The following SH3BGR variants were observed in gnomAD, a reference collection of about 807,000 sequenced individuals.
SH3BGR encodes the protein SH3 domain binding glutamate rich protein.
A neutral mutation model predicts 24.5 loss-of-function variants in SH3BGR; 29 were observed. That is an observed-to-expected ratio of 1.18 (90% CI 0.88 to 1.61). SH3BGR has a LOEUF of 1.61. Ranked by LOEUF, SH3BGR falls within the 40% of genes most tolerant of loss-of-function variation. SH3BGR has a pLI of 0.00. For synonymous variants in SH3BGR, 55 were observed against 65.7 expected (o/e 0.84, Z 0.79); for missense variants, 162 against 205.8 (o/e 0.79, Z 1.30).
chr21:39,499,014 G>A (rs1435101681), intron 3 of SH3BGR, among the ~76,000 whole-genome samples: 2 of 152,162 alleles, frequency 1.3e-5, no homozygotes, highest in African/African-American at 2.4e-5. Context: ...CAAGGCAGCA[G>A]GAAGGAGAAG....
At chr21:39,502,752 T>A (rs905410720) in intron 4 of SH3BGR, among the ~76,000 whole-genome samples, 19 of 152,318 alleles carry the variant, frequency 1.2e-4, no homozygotes, top group African/African-American at 4.6e-4. Flanking sequence ...CTGCTGTCTG[T>A]CCCTTGGCAT....
At chr21:39,509,105 A>T (rs1261344344) in intron 5 of SH3BGR, 78 bp downstream of exon 5, 1 of 1,184,882 alleles carries the variant, frequency 8.4e-7, no homozygotes, top group Non-Finnish European at 1.2e-6. Flanking sequence ...TTGCAGCTTG[A>T]GGCACGTTCT....
At chr21:39,476,323 G>C (rs2078027580) in intron 3 of SH3BGR, among the ~76,000 whole-genome samples, 1 of 152,174 alleles carries the variant, frequency 6.6e-6, no homozygotes, top group Admixed American at 6.5e-5. Context: ...GGCCATAAAA[G>C]TGACCACTGG....
At chr21:39,496,365 T>C (rs978082906) in intron 3 of SH3BGR, among the ~76,000 whole-genome samples, 2 of 151,882 alleles carry the variant, frequency 1.3e-5, no homozygotes, top group Non-Finnish European at 2.9e-5. Flanking sequence ...CCGGGTGCGG[T>C]GGCGGGCACC....
At chr21:39,447,319 A>G (rs182260881), upstream of SH3BGR, among the ~76,000 whole-genome samples, 1 of 152,040 alleles carries the variant, frequency 6.6e-6, no homozygotes, top group East Asian at 1.9e-4. Flanking sequence ...GTTTCCTGAG[A>G]ATGGTTTCCT....
At chr21:39,514,979 A>G in intron 6 of SH3BGR, 109 bp from the exon 7 acceptor site, 1 of 347,112 alleles carries the variant, frequency 2.9e-6, no homozygotes. Flanking sequence ...AGTGGTTTAT[A>G]GAATAAAAGG....
intron 4 of SH3BGR, 77 bp from the exon 5 acceptor site, chr21:39,508,921 T>C: frequency 9.1e-7 from 1 of 1,098,750 alleles, no homozygotes; most frequent in Non-Finnish European, 1.4e-6. Flanking sequence ...TTTATTATAG[T>C]TTGCTTGATT....
intron 1 of SH3BGR, among the ~76,000 whole-genome samples, chr21:39,457,005 T>C (rs2148450856): frequency 6.7e-6 from 1 of 149,746 alleles, no homozygotes; most frequent in African/African-American, 2.4e-5. Flanking sequence ...TACTTATTTA[T>C]ATAAAATTTT....
intron 4 of SH3BGR, among the ~76,000 whole-genome samples, chr21:39,502,950 C>CA (rs1432905951): frequency 6.6e-6 from 1 of 151,808 alleles, no homozygotes; most frequent in African/African-American, 2.4e-5. Flanking sequence ...CTTTCCTCCC[C>CA]AGTCTGGCCA....
chr21:39,449,590 G>T (rs780564517), upstream of SH3BGR, among the ~76,000 whole-genome samples: 6 of 152,290 alleles, frequency 3.9e-5, no homozygotes, highest in South Asian at 1.0e-3. Context: ...CTTTCAGCTG[G>T]AGTTTTCAGA....
chr21:39,470,680 A>G (rs566607116), intron 2 of SH3BGR, among the ~76,000 whole-genome samples: 17 of 152,296 alleles, frequency 1.1e-4, no homozygotes, highest in Middle Eastern at 3.4e-3. Context: ...AGGCATTTCT[A>G]TTTGTTGGTT....
chr21:39,497,842 T>C (rs945122805), intron 3 of SH3BGR, among the ~76,000 whole-genome samples: 5 of 152,216 alleles, frequency 3.3e-5, no homozygotes, highest in Admixed American at 3.3e-4. Flanking sequence ...TCACTGGTTA[T>C]GAGGATAAAG....
chr21:39,465,614 A>T (rs1375348548), intron 2 of SH3BGR, among the ~76,000 whole-genome samples: 1 of 151,962 alleles, frequency 6.6e-6, no homozygotes, highest in Non-Finnish European at 1.5e-5. Flanking sequence ...ATTTTATGAT[A>T]GGGTCTCACT....
rs548458364 is a variant in SH3BGR at position 39,509,143 on chromosome 21, A to G, written c.435+116A>G. The G allele has an allele frequency of 4.6e-4, 327 of 718,026 alleles. 2 individuals carry two copies. The South Asian group carries it at 6.7e-3, about 15-fold the overall frequency. The allele number at this position is 718,026 out of a possible 1,614,324, so 44.5% of individuals were successfully genotyped here. ...ATAACATAAGAGAGCGATGCAACCC[A>G]CACACCCAGAAAATCCTCCTTTAAC... On this transcript the variant is annotated intron_variant, in intron 5 of 6. Coordinates refer to ENST00000333634, the MANE Select transcript of SH3BGR (RefSeq NM_007341.3).
chr21:39,506,284 C>T (rs2078581899), intron 4 of SH3BGR, among the ~76,000 whole-genome samples: 1 of 152,150 alleles, frequency 6.6e-6, no homozygotes, highest in African/African-American at 2.4e-5. Flanking sequence ...GGAAAGTCTC[C>T]TTGGAAATGT....
At chr21:39,490,334 C>G (rs2078278414) in intron 3 of SH3BGR, among the ~76,000 whole-genome samples, 1 of 152,174 alleles carries the variant, frequency 6.6e-6, no homozygotes, top group Admixed American at 6.5e-5. Flanking sequence ...CTAACTATAT[C>G]AGTTGTTCTA....
At chr21:39,494,793 G>A (rs1602147902) in intron 3 of SH3BGR, among the ~76,000 whole-genome samples, 1 of 151,316 alleles carries the variant, frequency 6.6e-6, no homozygotes, top group African/African-American at 2.4e-5. Flanking sequence ...TATTATTTCT[G>A]CTCCATTTGT....
chr21:39,488,746 G>T, intron 3 of SH3BGR: 1 of 450,604 alleles, frequency 2.2e-6, no homozygotes, highest in South Asian at 1.8e-5. Flanking sequence ...CGGGCATGAG[G>T]ACAGCAATGG....
At chr21:39,452,324 G>A (rs2077588375) in intron 1 of SH3BGR, among the ~76,000 whole-genome samples, 183 bp downstream of exon 1, 1 of 152,242 alleles carries the variant, frequency 6.6e-6, no homozygotes, top group Admixed American at 6.5e-5. Context: ...TGGAAAGGGT[G>A]TAATCTGGAT....
Sources: allele counts gnomAD v4.1 joint callset (sites outside exome capture counted in the v4.1 genomes callset), GRCh38; gene constraint gnomAD v4.1.1; transcripts MANE v1.5; gene names NCBI Gene and HGNC (gene_info 2026-07-23, HGNC 2026-07-21).